The following FER variants were observed in gnomAD, a reference collection of about 807,000 sequenced individuals.
The protein encoded by FER is tyrosine-protein kinase Fer.
In FER, 63 loss-of-function variants were observed where a neutral mutation model predicts 111.0. The observed-to-expected ratio is 0.57, with a 90% CI of 0.46 to 0.70. FER has a LOEUF of 0.70. Ranked by LOEUF, FER falls within the 30% of genes least tolerant of loss-of-function variation. The probability of loss-of-function intolerance (pLI) is 0.00; values close to 1 mark genes in which losing one functional copy is unlikely to be tolerated. For synonymous variants in FER, 327 were observed against 313.9 expected (o/e 1.04, Z -0.44); for missense variants, 914 against 954.0 (o/e 0.96, Z 0.55).
rs547453709 is a variant in FER at position 108,987,244 on chromosome 5, G to A, written c.1656+27897G>A. Among the ~76,000 whole-genome samples the A allele has an allele frequency of 2.0e-5, 3 of 152,142 alleles. No homozygotes were observed. The South Asian group carries it at 6.2e-4, about 32-fold the overall frequency. Reference sequence around the variant, plus strand: ...GCAGATCACATGAGGTCAGGATTTCGAGACCAGCCTGGCCAACATGGCGAA... The same window carrying A: ...GCAGATCACATGAGGTCAGGATTTCAAGACCAGCCTGGCCAACATGGCGAA... On this transcript the variant is annotated intron_variant, in intron 13 of 19. Transcript: ENST00000281092.
At chr5:109,002,647 C>A (rs1183572525) in intron 13 of FER, among the ~76,000 whole-genome samples, 1 of 152,154 alleles carries the variant, frequency 6.6e-6, no homozygotes, top group African/African-American at 2.4e-5. Flanking sequence ...CTAAAAACTT[C>A]TGCACAGCAA....
intron 14 of FER, among the ~76,000 whole-genome samples, chr5:109,041,990 C>A (rs755078756): frequency 1.3e-5 from 2 of 151,918 alleles, no homozygotes; most frequent in African/African-American, 4.8e-5. Flanking sequence ...CAAGTGAGAG[C>A]CAGGATTTTG....
At chr5:109,012,381 A>G (rs1766397345) in intron 13 of FER, among the ~76,000 whole-genome samples, 1 of 152,184 alleles carries the variant, frequency 6.6e-6, no homozygotes, top group South Asian at 2.1e-4. Flanking sequence ...ATTGCCTTCA[A>G]TTGATGGCAA....
At chr5:108,809,698 G>T (rs915538616) in intron 3 of FER, among the ~76,000 whole-genome samples, 10 of 152,122 alleles carry the variant, frequency 6.6e-5, no homozygotes, top group Non-Finnish European at 1.3e-4. Context: ...GAGTAGCTGG[G>T]ACTACAAGTG....
chr5:109,009,224 C>CG (rs1481339076), intron 13 of FER, among the ~76,000 whole-genome samples: 1 of 151,636 alleles, frequency 6.6e-6, no homozygotes, highest in Non-Finnish European at 1.5e-5. Flanking sequence ...TTAGTAGAGA[C>CG]GGGGTTTCAC....
intron 2 of FER, among the ~76,000 whole-genome samples, chr5:108,793,059 T>A (rs1264691904): frequency 6.6e-6 from 1 of 152,172 alleles, no homozygotes; most frequent in Admixed American, 6.5e-5. Flanking sequence ...TAATGTACAA[T>A]TAAATTATTA....
At chr5:108,770,237 T>A (rs1752752971) in intron 2 of FER, among the ~76,000 whole-genome samples, 1 of 152,214 alleles carries the variant, frequency 6.6e-6, no homozygotes, top group Non-Finnish European at 1.5e-5. Flanking sequence ...CATGAGCCAC[T>A]GCGCCTGGCC....
At chr5:108,921,929 T>C (rs1199529356) in intron 10 of FER, among the ~76,000 whole-genome samples, 1 of 152,226 alleles carries the variant, frequency 6.6e-6, no homozygotes, top group Non-Finnish European at 1.5e-5. Context: ...TACCTGTGTA[T>C]GTGACCTACT....
At chr5:108,824,766 G>A (rs1759265303) in intron 3 of FER, among the ~76,000 whole-genome samples, 1 of 151,994 alleles carries the variant, frequency 6.6e-6, no homozygotes, top group Non-Finnish European at 1.5e-5. Flanking sequence ...TTTAAAATTG[G>A]AGAGTCACAG....
chr5:109,018,956 G>A (rs1229562228), intron 13 of FER, among the ~76,000 whole-genome samples: 23 of 151,388 alleles, frequency 1.5e-4, no homozygotes, highest in Admixed American at 1.4e-3. Context: ...AATTCACTTA[G>A]GTAACAAAAC....
At chr5:109,048,980 G>A (rs1202134914) in intron 16 of FER, among the ~76,000 whole-genome samples, 1 of 151,980 alleles carries the variant, frequency 6.6e-6, no homozygotes, top group Non-Finnish European at 1.5e-5. Context: ...TTTATTTGTG[G>A]ATAGTTTGGT....
At chr5:108,894,112 G>C (rs1282988068) in intron 9 of FER, among the ~76,000 whole-genome samples, 1 of 151,926 alleles carries the variant, frequency 6.6e-6, no homozygotes, top group Non-Finnish European at 1.5e-5. Context: ...AACAAAGGCA[G>C]GTGCTGGGGA....
intron 12 of FER, among the ~76,000 whole-genome samples, chr5:108,957,845 G>A (rs559607367): frequency 4.6e-5 from 7 of 151,482 alleles, no homozygotes; most frequent in South Asian, 4.1e-4. Context: ...TATTATCTCT[G>A]TTTCACTAAG....
At chr5:109,138,838 A>AT (rs1250965197) in intron 17 of FER, among the ~76,000 whole-genome samples, 1 of 152,210 alleles carries the variant, frequency 6.6e-6, no homozygotes. Context: ...AAGGGGTTGA[A>AT]TAGTTGAATT....
At chr5:109,136,175 G>A (rs1304320193) in intron 17 of FER, among the ~76,000 whole-genome samples, 2 of 151,868 alleles carry the variant, frequency 1.3e-5, no homozygotes, top group Non-Finnish European at 2.9e-5. Flanking sequence ...AGAATCACTT[G>A]AACCCTACTT....
At chr5:109,028,160 ACT>A (rs1769042389) in intron 13 of FER, among the ~76,000 whole-genome samples, 1 of 152,140 alleles carries the variant, frequency 6.6e-6, no homozygotes, top group Non-Finnish European at 1.5e-5. Context: ...TTGACTCATA[ACT>A]CTGCCAGTTA....
intron 17 of FER, among the ~76,000 whole-genome samples, chr5:109,101,538 C>A (rs546043901): frequency 2.0e-5 from 3 of 152,116 alleles, no homozygotes; most frequent in Non-Finnish European, 4.4e-5. Flanking sequence ...AAATTTTACT[C>A]AGTGTTCAGC....
intron 13 of FER, among the ~76,000 whole-genome samples, chr5:108,999,241 C>G (rs897517906): frequency 2.6e-5 from 4 of 152,042 alleles, no homozygotes; most frequent in African/African-American, 9.7e-5. Context: ...CACAATATGT[C>G]TTTGCATGTT....
intron 13 of FER, among the ~76,000 whole-genome samples, chr5:109,013,092 A>G (rs1273849203): frequency 6.7e-6 from 1 of 148,416 alleles, no homozygotes. Flanking sequence ...TTTTATTATT[A>G]TTATACTTTA....
Sources: allele counts gnomAD v4.1 joint callset (sites outside exome capture counted in the v4.1 genomes callset), GRCh38; gene constraint gnomAD v4.1.1; transcripts MANE v1.5; gene names NCBI Gene and HGNC (gene_info 2026-07-23, HGNC 2026-07-21).